GALNT13: variants seen among roughly 807,000 people sequenced by gnomAD.
GALNT13 encodes the protein polypeptide N-acetylgalactosaminyltransferase 13.
In GALNT13, 28 loss-of-function variants were observed where a neutral mutation model predicts 64.2. That is an observed-to-expected ratio of 0.44 (90% CI 0.32 to 0.60). GALNT13 has a LOEUF of 0.60. Among genes scored for constraint, GALNT13 ranks in the 20% least tolerant of loss-of-function variants. The pLI, the probability that GALNT13 is intolerant of heterozygous loss-of-function variation, is 0.05. For missense variants in GALNT13, 577 were observed against 669.8 expected (o/e 0.86, Z 1.53); for synonymous variants, 214 against 224.6 (o/e 0.95, Z 0.42).
chr2:153,166,030 C>A, the GALNT13 span, among the ~76,000 whole-genome samples: 1 of 152,128 alleles, frequency 6.6e-6, no homozygotes, highest in Non-Finnish European at 1.5e-5. Context: ...CTGGTAATAA[C>A]TGGAACATTC....
At chr2:153,986,172 G>C (rs570096293) in intron 3 of GALNT13, among the ~76,000 whole-genome samples, 41 of 152,114 alleles carry the variant, frequency 2.7e-4, no homozygotes, top group African/African-American at 8.7e-4. Flanking sequence ...ATGCTAAAGA[G>C]CTGGCTTCAA....
chr2:153,393,681 T>C, the GALNT13 span, among the ~76,000 whole-genome samples: 2 of 151,922 alleles, frequency 1.3e-5, no homozygotes, highest in African/African-American at 2.4e-5. Flanking sequence ...AACATTTAAG[T>C]CACTAGATTT....
the GALNT13 span, among the ~76,000 whole-genome samples, chr2:153,634,791 T>C: frequency 6.6e-6 from 1 of 151,938 alleles, no homozygotes; most frequent in South Asian, 2.1e-4. Context: ...CCTCGTGATC[T>C]GCCTGCCTCG....
chr2:153,814,041 T>C, the GALNT13 span, among the ~76,000 whole-genome samples: 1 of 152,216 alleles, frequency 6.6e-6, no homozygotes, highest in Non-Finnish European at 1.5e-5. Context: ...TAACTCCTTG[T>C]AGCATGGCAG....
chr2:154,282,427 G>A lies in GALNT13; in HGVS notation c.976-18982G>A, dbSNP rs193193456. Reference sequence around the variant, plus strand: ...GTAGGAAAAGTTTTATTTAAATTTCGGAGGGTTATATCATTCCCATCTAAA... The same window carrying A: ...GTAGGAAAAGTTTTATTTAAATTTCAGAGGGTTATATCATTCCCATCTAAA... On this transcript the variant is annotated intron_variant, in intron 8 of 12. Transcript: ENST00000392825. Among the ~76,000 whole-genome samples, 909 of 152,144 alleles carry A rather than the reference G, an allele frequency of 6.0e-3. 6 individuals carry two copies. Among genetic ancestry groups the A allele is most frequent in the Non-Finnish European group, 0.01 (688 of 68,002 alleles).
intron 3 of GALNT13, among the ~76,000 whole-genome samples, chr2:154,018,396 A>G (rs963166138): frequency 2.6e-5 from 4 of 152,170 alleles, no homozygotes; most frequent in Admixed American, 1.3e-4. Context: ...GACCAATAAG[A>G]TTCTCTCAGA....
chr2:153,961,806 G>T (rs1371186671), intron 3 of GALNT13, among the ~76,000 whole-genome samples: 1 of 152,114 alleles, frequency 6.6e-6, no homozygotes, highest in Non-Finnish European at 1.5e-5. Context: ...AAATGGGAAT[G>T]GACAGATTTT....
chr2:153,204,391 C>T, the GALNT13 span, among the ~76,000 whole-genome samples: 15 of 152,170 alleles, frequency 9.9e-5, no homozygotes, highest in African/African-American at 3.6e-4. Flanking sequence ...AGAAGAGAGG[C>T]TTGGGCACCA....
chr2:153,249,004 A>G, the GALNT13 span, among the ~76,000 whole-genome samples: 2 of 152,174 alleles, frequency 1.3e-5, no homozygotes, highest in East Asian at 3.9e-4. Flanking sequence ...ACTCCTATTC[A>G]ACATAATATT....
chr2:153,700,831 G>A, the GALNT13 span, among the ~76,000 whole-genome samples: 1 of 151,960 alleles, frequency 6.6e-6, no homozygotes, highest in Admixed American at 6.6e-5. Context: ...CACTGCTCAA[G>A]GAAATAAAAC....
At chr2:154,194,742 T>C (rs1402835802) in intron 4 of GALNT13, among the ~76,000 whole-genome samples, 1 of 152,094 alleles carries the variant, frequency 6.6e-6, no homozygotes, top group African/African-American at 2.4e-5. Flanking sequence ...TAGGAACTAA[T>C]TAATATCATC....
At chr2:153,256,690 G>T in the GALNT13 span, among the ~76,000 whole-genome samples, 6 of 152,152 alleles carry the variant, frequency 3.9e-5, no homozygotes, top group South Asian at 1.0e-3. Flanking sequence ...CAGACATGCA[G>T]GTCTGTTGGA....
intron 2 of GALNT13, among the ~76,000 whole-genome samples, chr2:153,902,031 A>G (rs1200940918): frequency 2.0e-5 from 3 of 152,098 alleles, no homozygotes; most frequent in African/African-American, 7.2e-5. Context: ...TATCCTTTAC[A>G]TCACACTGGC....
At chr2:153,821,159 C>G in the GALNT13 span, among the ~76,000 whole-genome samples, 1 of 152,056 alleles carries the variant, frequency 6.6e-6, no homozygotes, top group African/African-American at 2.4e-5. Context: ...GCTTCAGCAC[C>G]CTACTGCCAG....
At chr2:153,499,583 G>A in the GALNT13 span, among the ~76,000 whole-genome samples, 48 of 152,230 alleles carry the variant, frequency 3.2e-4, no homozygotes, top group Non-Finnish European at 4.7e-4. Flanking sequence ...TTTTCATGCC[G>A]AGGAATGCCC....
chr2:153,138,225 T>C, the GALNT13 span, among the ~76,000 whole-genome samples: 1 of 152,090 alleles, frequency 6.6e-6, no homozygotes, highest in Admixed American at 6.6e-5. Flanking sequence ...TGTTAACCAC[T>C]AGCCTTATGC....
the GALNT13 span, among the ~76,000 whole-genome samples, chr2:153,752,022 C>T: frequency 1.3e-5 from 2 of 151,430 alleles, no homozygotes; most frequent in African/African-American, 4.8e-5. Context: ...CAGGTTATGT[C>T]GAGGCTTGTA....
chr2:153,628,394 T>G, the GALNT13 span, among the ~76,000 whole-genome samples: 1 of 151,714 alleles, frequency 6.6e-6, no homozygotes, highest in African/African-American at 2.4e-5. Context: ...TGAATAGGAG[T>G]GGTGAGAGAG....
chr2:153,719,386 A>G, the GALNT13 span, among the ~76,000 whole-genome samples: 2 of 152,190 alleles, frequency 1.3e-5, no homozygotes, highest in Non-Finnish European at 2.9e-5. Context: ...TTCAATTTGT[A>G]ATTGATGATT....
Sources: gnomAD v4.1 joint callset for allele counts (sites outside exome capture counted in the v4.1 genomes callset) on GRCh38, gnomAD v4.1.1 for gene constraint, MANE v1.5 for transcripts, NCBI Gene and HGNC (gene_info 2026-07-23, HGNC 2026-07-21) for gene names.